The following PBX1 variants were observed in gnomAD, a reference collection of about 807,000 sequenced individuals.
The protein encoded by PBX1 is PBX homeobox 1.
Under a neutral mutation model 53.4 loss-of-function variants are expected in PBX1, and 6 were observed. That is an observed-to-expected ratio of 0.11 (90% CI 0.06 to 0.22). PBX1 has a LOEUF of 0.22. Among genes scored for constraint, PBX1 ranks in the 10% least tolerant of loss-of-function variants. The pLI, the probability that PBX1 is intolerant of heterozygous loss-of-function variation, is 1.00. For synonymous variants in PBX1, 204 were observed against 212.3 expected, an observed-to-expected ratio of 0.96 and a Z score of 0.34; for missense variants, 251 against 551.4, an observed-to-expected ratio of 0.46 and a Z score of 5.46.
At chr1:164,614,086 A>T (rs1657112383) in intron 2 of PBX1, among the ~76,000 whole-genome samples, 1 of 152,194 alleles carries the variant, frequency 6.6e-6, no homozygotes, top group East Asian at 1.9e-4. Context: ...GAAACCAAGC[A>T]CAGTTCCTTG....
chr1:164,803,693 G>T (rs1389186563), intron 4 of PBX1, among the ~76,000 whole-genome samples: 1 of 152,110 alleles, frequency 6.6e-6, no homozygotes, highest in African/African-American at 2.4e-5. Flanking sequence ...AGGCACTAGG[G>T]ATAGGAAAGA....
chr1:164,811,607 C>T (rs569146425), intron 5 of PBX1, among the ~76,000 whole-genome samples: 1 of 152,250 alleles, frequency 6.6e-6, no homozygotes, highest in Non-Finnish European at 1.5e-5. Flanking sequence ...GGCATCAAGC[C>T]AGCTTTCACA....
intron 8 of PBX1, among the ~76,000 whole-genome samples, chr1:164,841,903 A>G (rs1333140202): frequency 6.6e-6 from 1 of 152,182 alleles, no homozygotes; most frequent in Non-Finnish European, 1.5e-5. Context: ...TAGTAATGGC[A>G]TCTGGCCCAT....
chr1:164,709,558 C>A (rs1571262773), intron 2 of PBX1, among the ~76,000 whole-genome samples: 1 of 151,764 alleles, frequency 6.6e-6, no homozygotes, highest in South Asian at 2.1e-4. Context: ...TGTCAGAGGA[C>A]CGAGTTTAAG....
At chr1:164,678,882 G>C (rs933962450) in intron 2 of PBX1, among the ~76,000 whole-genome samples, 1 of 151,974 alleles carries the variant, frequency 6.6e-6, no homozygotes, top group Non-Finnish European at 1.5e-5. Flanking sequence ...CTCCAGGGGA[G>C]ACCTGTGTGG....
At chr1:164,811,354 A>C (rs2102344274) in intron 5 of PBX1, among the ~76,000 whole-genome samples, 1 of 152,224 alleles carries the variant, frequency 6.6e-6, no homozygotes, top group Admixed American at 6.5e-5. Context: ...TAACATTTAA[A>C]CCCTAGAATT....
intron 2 of PBX1, among the ~76,000 whole-genome samples, chr1:164,639,048 C>T (rs1658961539): frequency 6.6e-6 from 1 of 152,198 alleles, no homozygotes; most frequent in Non-Finnish European, 1.5e-5. Flanking sequence ...ATCCTTATCT[C>T]TTCTACCTAC....
chr1:164,658,662 T>C (rs1429737606), intron 2 of PBX1, among the ~76,000 whole-genome samples: 1 of 152,186 alleles, frequency 6.6e-6, no homozygotes, highest in Non-Finnish European at 1.5e-5. Flanking sequence ...ATGAGGTTGG[T>C]CTTTATGACC....
At chr1:164,761,738 C>T (rs1057139508) in intron 2 of PBX1, among the ~76,000 whole-genome samples, 7 of 152,112 alleles carry the variant, frequency 4.6e-5, no homozygotes, top group African/African-American at 9.7e-5. Context: ...CCACCGCGCC[C>T]GGCCCATTGG....
At chr1:164,584,221 A>G (rs1451775158) in intron 2 of PBX1, among the ~76,000 whole-genome samples, 1 of 152,134 alleles carries the variant, frequency 6.6e-6, no homozygotes, top group Non-Finnish European at 1.5e-5. Context: ...TCCAAAAGCC[A>G]AGTGCAGTAC....
Position 164,568,146 on chromosome 1 carries a change from C to G in PBX1, c.265+4835C>G, listed in dbSNP as rs186658827. ...CCCCAAACGAGCAAATAAACCAAAA[C>G]CTAGATGTTGCACATAATTTAAATT... On this transcript the variant is annotated intron_variant, in intron 2 of 8. Coordinates refer to ENST00000420696, the MANE Select transcript of PBX1 (RefSeq NM_002585.4). Among the ~76,000 whole-genome samples the G allele has an allele frequency of 3.5e-4, 53 of 152,250 alleles. 1 individual carries two copies. The South Asian group carries it at 0.011, about 31-fold the overall frequency.
At chr1:164,598,752 T>G (rs1012466041) in intron 2 of PBX1, among the ~76,000 whole-genome samples, 4 of 152,178 alleles carry the variant, frequency 2.6e-5, no homozygotes, top group African/African-American at 4.8e-5. Context: ...GCAGCCAAAT[T>G]TTTCATAAAG....
At chr1:164,684,513 T>C (rs1451152577) in intron 2 of PBX1, 2 of 152,154 alleles carry the variant, frequency 1.3e-5, no homozygotes, top group Admixed American at 6.5e-5. Flanking sequence ...GGATCTCAGG[T>C]ATTTGAGGCA....
At chr1:164,820,482 C>G (rs1290917500) in intron 7 of PBX1, among the ~76,000 whole-genome samples, 2 of 152,090 alleles carry the variant, frequency 1.3e-5, no homozygotes, top group Non-Finnish European at 2.9e-5. Flanking sequence ...TCTTTATTCA[C>G]CAAAGGGAAA....
Position 164,565,981 on chromosome 1 carries a change from C to T in PBX1, c.265+2670C>T, listed in dbSNP as rs116171400. ...GGCTTTGTTTGTTTGTATTCTAACA[C>T]GAAGTTCATACATTTGGCTCACCTA... is the stretch of plus-strand genomic sequence containing the variant. On this transcript the variant is annotated intron_variant, in intron 2 of 8. Coordinates refer to ENST00000420696, the MANE Select transcript of PBX1 (RefSeq NM_002585.4). Among the ~76,000 whole-genome samples the T allele has an allele frequency of 4.9e-3, 741 of 152,074 alleles. 5 individuals carry two copies. The highest frequency in any genetic ancestry group is 0.017 in the African/African-American group (708 of 41,484).
At chr1:164,869,609 C>T (rs1438067327) in intron 2 of PBX1, among the ~76,000 whole-genome samples, 8 of 152,102 alleles carry the variant, frequency 5.3e-5, no homozygotes, top group Admixed American at 4.6e-4. Context: ...CTCAAGTAGA[C>T]CAAATAGTCC....
intron 7 of PBX1, among the ~76,000 whole-genome samples, chr1:164,820,842 G>C (rs1388143863): frequency 1.3e-5 from 2 of 152,182 alleles, no homozygotes; most frequent in Non-Finnish European, 2.9e-5. Context: ...TGTTGTGAGA[G>C]GGTAAAGTAG....
chr1:164,625,366 A>G (rs1657968574), intron 2 of PBX1, among the ~76,000 whole-genome samples: 1 of 152,088 alleles, frequency 6.6e-6, no homozygotes. Flanking sequence ...GTACATTTGT[A>G]TTTTTTTCTC....
chr1:164,712,762 T>C (rs1663871070), intron 2 of PBX1, among the ~76,000 whole-genome samples: 1 of 152,112 alleles, frequency 6.6e-6, no homozygotes, highest in Non-Finnish European at 1.5e-5. Context: ...CCTGGCCTGG[T>C]GTGTGGGCCC....
Sources: allele counts gnomAD v4.1 joint callset (sites outside exome capture counted in the v4.1 genomes callset), GRCh38; gene constraint gnomAD v4.1.1; transcripts MANE v1.5; gene names NCBI Gene and HGNC (gene_info 2026-07-23, HGNC 2026-07-21).